The following WDR87 variants were observed in gnomAD, a reference collection of about 807,000 sequenced individuals.
WDR87 encodes WD repeat domain 87.
A neutral mutation model predicts 83.3 loss-of-function variants in WDR87; 56 were observed. The ratio of observed to expected loss-of-function variants is 0.67; its 90% confidence interval spans 0.54 to 0.84. WDR87 has a LOEUF of 0.84. Ranked by LOEUF, WDR87 falls within the 40% of genes least tolerant of loss-of-function variation. WDR87 has a pLI of 0.00. For missense variants in WDR87, 2,939 were observed against 3,431.9 expected (o/e 0.86, Z 3.59); for synonymous variants, 1,173 against 1,250.6 (o/e 0.94, Z 1.31).
chr19:37,902,084 G>C (rs532355129), intron 1 of WDR87, among the ~76,000 whole-genome samples: 1 of 152,046 alleles, frequency 6.6e-6, no homozygotes, highest in East Asian at 1.9e-4. Flanking sequence ...CCATAGACCA[G>C]TTTCCTTGGG....
Position 37,887,595 on chromosome 19 carries a change from C to G in WDR87, c.6076G>C (p.Gly2026Arg). The part of the protein sequence containing the change: ...LVEGKETLSK[G>R]ETPETSRQRK... ...TGTCTAGAAGTTTCTGGAGTCTCTC[C>G]CTTAGACAGTGTTTCTTTTCCCTCA... is the stretch of plus-strand genomic sequence containing the variant. The change falls in exon 6 of 6, where the codon GGA (glycine) becomes CGA (arginine). Residue 2026 changes from glycine (G) to arginine (R), a missense_variant. This residue lies in a region of WDR87 where 2,160 missense variants were observed against 2,533.1 expected (regional missense o/e 0.85). Transcript: ENST00000447313. The G allele has an allele frequency of 6.4e-7, 1 of 1,551,930 alleles. No individual in the cohort carries two copies. The highest frequency in any genetic ancestry group is 1.2e-5 in the South Asian group (1 of 84,060).
chr19:37,886,679 T>A lies in WDR87; in HGVS notation c.6992A>T (p.Lys2331Met). Residue 2331 changes from lysine to methionine, a missense_variant, in exon 6 of 6, where the codon AAG becomes ATG. This residue lies in a region of WDR87 where 2,160 missense variants were observed against 2,533.1 expected (regional missense o/e 0.85). Coordinates refer to ENST00000447313, the MANE Select transcript of WDR87 (RefSeq NM_001291088.2). ...CTGAACCTCCTCCTTCTTCTTTTCC[T>A]TTTTCTTCTTCTTCTTCTCCTCCTC... is the stretch of plus-strand genomic sequence containing the variant. ...KEEEEKKKKK[K>M]EKKKEEVQEK... 1 of 1,481,440 alleles carries A rather than the reference T, an allele frequency of 6.8e-7. No individual in the cohort carries two copies. Among genetic ancestry groups the A allele is most frequent in the Non-Finnish European group, 9.2e-7 (1 of 1,092,026 alleles). The allele number at this position is 1,481,440 out of a possible 1,614,324, so 91.8% of individuals were successfully genotyped here. A position where few individuals can be genotyped will look rare whatever the true frequency, so the allele number is the denominator to read the frequency against.
Position 37,887,374 on chromosome 19 carries a change from A to G in WDR87, c.6297T>C (p.Ile2099=). The G allele has an allele frequency of 6.4e-7, 1 of 1,551,458 alleles. No individual in the cohort carries two copies. Among genetic ancestry groups the G allele is most frequent in the Non-Finnish European group, 8.7e-7 (1 of 1,146,920 alleles). The change falls in exon 6 of 6, where the codon ATT becomes ATC. Residue 2099 remains isoleucine, a synonymous_variant. Transcript: ENST00000447313. Reference sequence around the variant, plus strand: ...CCTTGGAAAGGCTCTCCCTTTTTTTAATCAACTTCCTTGAAGCCTTGGCTA... The same window carrying G: ...CCTTGGAAAGGCTCTCCCTTTTTTTGATCAACTTCCTTGAAGCCTTGGCTA... ...RKLAKASRKL[I]KKRESLSKEP... is the part of the protein sequence containing the mutation.
chr19:37,890,064 G>T lies in WDR87; in HGVS notation c.3607C>A (p.His1203Asn), dbSNP rs369745776. Residue 1203 changes from histidine to asparagine, a missense_variant, in exon 6 of 6, where the codon CAC (histidine) becomes AAC (asparagine). Coordinates refer to ENST00000447313, the MANE Select transcript of WDR87 (RefSeq NM_001291088.2). ...AGCCTCTTCAGGGTCAATGCAATGT[G>T]ATCCTTCGAGATATCTTTCTCTTGA... ...DSQEKDISKD[H>N]IALTLKRLQK... is the part of the protein sequence containing the mutation. 20 of 1,551,664 alleles carry T rather than the reference G, an allele frequency of 1.3e-5. No individual in the cohort carries two copies. Among genetic ancestry groups the T allele is most frequent in the Non-Finnish European group, 1.7e-5 (19 of 1,147,030 alleles).
rs1269989130 is a variant in WDR87 at position 37,898,156 on chromosome 19, A to G, written c.75+9T>C. On this transcript the variant is annotated intron_variant, in intron 2 of 5. Transcript: ENST00000447313. ...CCTATAATATGTTTATGTCCTACATATACATTACCTTGCTTTTATTTATGG... is the reference window on the plus strand; with the variant it reads ...CCTATAATATGTTTATGTCCTACATGTACATTACCTTGCTTTTATTTATGG... The G allele has an allele frequency of 6.4e-7, 1 of 1,551,640 alleles. No individual in the cohort carries two copies. Among genetic ancestry groups the G allele is most frequent in the Non-Finnish European group, 8.7e-7 (1 of 1,146,916 alleles).
Position 37,889,832 on chromosome 19 carries a change from G to T in WDR87, c.3839C>A (p.Ser1280Ter), listed in dbSNP as rs1302567646. The change falls in exon 6 of 6, where the codon TCA becomes TAA. Residue 1280 changes from serine (S) to a stop codon, truncating the protein, a stop_gained. Coordinates refer to ENST00000447313, the MANE Select transcript of WDR87 (RefSeq NM_001291088.2). LOFTEE classifies it low-confidence loss of function (END_TRUNC). ...GRRSTAGDGS[S>*]WRDDLCRLMA... ...AAGACGACATAGATCGTCCCTCCAT[G>T]ATGAGCCATCTCCAGCGGTTGACCT... The T allele has an allele frequency of 6.4e-6, 10 of 1,551,634 alleles. No homozygotes were observed. The highest frequency in any genetic ancestry group is 8.7e-6 in the Non-Finnish European group (10 of 1,147,040).
chr19:37,904,909 C>T lies in WDR87; in HGVS notation c.-47+1590G>A, dbSNP rs182029619. The stretch of plus-strand genomic sequence containing the variant: ...GAGTATCTTTGTTAGTGCCTCATAA[C>T]ATTTTAATTTTATTTGATTTTAATT... On this transcript the variant is annotated intron_variant, in intron 1 of 5. Coordinates refer to ENST00000447313, the MANE Select transcript of WDR87 (RefSeq NM_001291088.2). 7.9e-5 allele frequency among the ~76,000 whole-genome samples: 12 copies of T among 152,170 alleles called. No homozygotes were observed. In the East Asian group the frequency reaches 2.1e-3, roughly 27 times the overall value.
chr19:37,895,249 T>C lies in WDR87; in HGVS notation c.454A>G (p.Ile152Val), dbSNP rs1243248386. ...PLGKVPCRFN[I>V]SCLCYDPEMK... ...TCCGGGTCATAGCAGAGGCAGCTGATGTTGAAGCGGCAGGGCACTTTACCC... is the reference window on the plus strand; with the variant it reads ...TCCGGGTCATAGCAGAGGCAGCTGACGTTGAAGCGGCAGGGCACTTTACCC... Residue 152 changes from isoleucine to valine, a missense_variant, in exon 4 of 6, where the codon ATC becomes GTC. Physicochemically the swap from Ile to Val is conservative, Grantham distance 29 (BLOSUM62 3). Coordinates refer to ENST00000447313, the MANE Select transcript of WDR87 (RefSeq NM_001291088.2). 1.3e-6 allele frequency: 2 copies of C among 1,551,544 alleles called. No individual in the cohort carries two copies. The highest frequency in any genetic ancestry group is 1.7e-6 in the Non-Finnish European group (2 of 1,147,000).
intron 1 of WDR87, among the ~76,000 whole-genome samples, chr19:37,902,020 A>ATGTTTGTT (rs200360601): frequency 1.1e-5 from 1 of 94,726 alleles, no homozygotes; most frequent in East Asian, 3.5e-4. Flanking sequence ...CTGGCCCTCT[A>ATGTTTGTT]TGTTTATTTA....
intron 3 of WDR87, among the ~76,000 whole-genome samples, chr19:37,895,832 A>G (rs1309578351): frequency 6.7e-6 from 1 of 149,812 alleles, no homozygotes; most frequent in Non-Finnish European, 1.5e-5. Flanking sequence ...ATATTCCCTT[A>G]TTTCCCCATG....
In WDR87 at chr19:37,896,292, G is replaced by A. The variant is rs931240129; in HGVS notation, c.92C>T (p.Pro31Leu). 2 of 1,551,752 alleles carry A rather than the reference G, an allele frequency of 1.3e-6. No individual in the cohort carries two copies. Among genetic ancestry groups the A allele is most frequent in the Non-Finnish European group, 1.7e-6 (2 of 1,147,004 alleles). Residue 31 changes from proline (P) to leucine (L), a missense_variant, in exon 3 of 6, where the codon CCA becomes CTA. Physicochemically the swap from Pro to Leu is moderately conservative, Grantham distance 98. This residue lies in a region of WDR87 where 226 missense variants were observed against 320.9 expected (regional missense o/e 0.70). Transcript: ENST00000447313. ...ACTCAGCACAATCAGGCAGTTCTTT[G>A]GGTCTTCCGAAGGTTGCTGGAGAGA... ...INKSKQPSED[P>L]KNCLIVLSDR...
Position 37,885,297 on chromosome 19 carries a change from G to A in WDR87, c.8374C>T (p.Gln2792Ter). Reference protein sequence around the residue: ...YPKDSTAWMEQFYQLMDLYQL... With the variant: ...YPKDSTAWME ...TACAGGTCCATGAGCTGGTAGAACTGTTCCATCCAAGCAGTGCTGTCTTTT... is the reference window on the plus strand; with the variant it reads ...TACAGGTCCATGAGCTGGTAGAACTATTCCATCCAAGCAGTGCTGTCTTTT... Residue 2792 changes from glutamine to a stop codon, truncating the protein, a stop_gained, in exon 6 of 6, where the codon CAG becomes TAG. Transcript: ENST00000447313. LOFTEE classifies it low-confidence loss of function (END_TRUNC). 6.5e-7 allele frequency: 1 copy of A among 1,549,652 alleles called. No individual in the cohort carries two copies. Among genetic ancestry groups the A allele is most frequent in the Non-Finnish European group, 8.7e-7 (1 of 1,146,008 alleles).
chr19:37,905,756 T>C (rs1195101662), intron 1 of WDR87, among the ~76,000 whole-genome samples: 1 of 152,010 alleles, frequency 6.6e-6, no homozygotes, highest in Admixed American at 6.6e-5. Flanking sequence ...GGTCTTGCTA[T>C]GTTACCCGGC....
Position 37,889,665 on chromosome 19 carries a change from C to A in WDR87, c.4006G>T (p.Glu1336Ter), listed in dbSNP as rs1448760361. 2 of 1,551,780 alleles carry A rather than the reference C, an allele frequency of 1.3e-6. No homozygotes were observed. The highest frequency in any genetic ancestry group is 1.2e-5 in the South Asian group (1 of 84,062). The change falls in exon 6 of 6, where the codon GAA becomes TAA. Residue 1336 changes from glutamate (E) to a stop codon, truncating the protein, a stop_gained. Transcript: ENST00000447313. LOFTEE classifies it low-confidence loss of function (END_TRUNC). ...FQEICPLLKK[E>*]SKVLLEDLDW... The stretch of plus-strand genomic sequence containing the variant: ...AGGTCCTCAAGCAGAACCTTACTTT[C>A]TTTCTTCAATAGGGGGCAGATCTCC...
rs1020703467 is a variant in WDR87, at chr19:37,896,180, G to A, written c.204C>T (p.Phe68=). Reference sequence around the variant, plus strand: ...TTGATGTCACCCAAGAGAGGGAGGCGAAGAAGTGGGCATCACTGAAGTAAT... The same window carrying A: ...TTGATGTCACCCAAGAGAGGGAGGCAAAGAAGTGGGCATCACTGAAGTAAT... The part of the protein sequence containing the change: ...VCYYFSDAHF[F]ASLSWVTSNT... Residue 68 remains phenylalanine (F), a synonymous_variant, in exon 3 of 6, where the codon TTC becomes TTT. Transcript: ENST00000447313. 15 of 1,552,216 alleles carry A rather than the reference G, an allele frequency of 9.7e-6. No homozygotes were observed. Among genetic ancestry groups the A allele is most frequent in the South Asian group, 5.9e-5 (5 of 84,070 alleles).
At chr19:37,900,258 A>C (rs1052524305) in intron 1 of WDR87, among the ~76,000 whole-genome samples, 1 of 152,164 alleles carries the variant, frequency 6.6e-6, no homozygotes, top group Non-Finnish European at 1.5e-5. Context: ...GAGTCTACAA[A>C]GGGCAGATCA....
intron 1 of WDR87, among the ~76,000 whole-genome samples, chr19:37,900,352 G>A (rs183158836): frequency 6.6e-6 from 1 of 152,098 alleles, no homozygotes; most frequent in Admixed American, 6.6e-5. Context: ...ACGAGGTCAG[G>A]AGTTCAAGAA....
chr19:37,892,848 T>G lies in WDR87; in HGVS notation c.2855A>C (p.Gln952Pro). ...GALGQIFASY[Q>P]VSPALRSETA... Reference sequence around the variant, plus strand: ...CTCAGAGCGTAGGGCTGGGGACACCTGGTAAGAGGCAAAGATTTGCCCTAG... The same window carrying G: ...CTCAGAGCGTAGGGCTGGGGACACCGGGTAAGAGGCAAAGATTTGCCCTAG... Residue 952 changes from glutamine (Q) to proline (P), a missense_variant, in exon 4 of 6, where the codon CAG becomes CCG. Around this residue, in one of 3 missense-constraint regions of WDR87, gnomAD observed 2,160 missense variants for 2,533.1 expected, o/e 0.85. Coordinates refer to ENST00000447313, the MANE Select transcript of WDR87 (RefSeq NM_001291088.2). 6.4e-7 allele frequency: 1 copy of G among 1,551,854 alleles called. No homozygotes were observed. Among genetic ancestry groups the G allele is most frequent in the South Asian group, 1.2e-5 (1 of 84,060 alleles).
In WDR87 at chr19:37,889,490, C is replaced by G; in HGVS notation, c.4181G>C (p.Arg1394Thr). The change falls in exon 6 of 6, where the codon AGA (arginine) becomes ACA (threonine). Residue 1394 changes from arginine to threonine, a missense_variant. By Grantham distance (71) the Arg-to-Thr change is moderately conservative. Coordinates refer to ENST00000447313, the MANE Select transcript of WDR87 (RefSeq NM_001291088.2). ...GGTTTCCTCCAAGCCCAGCATGTCT[C>G]TTGCTTTCTTTTGTGCTTGTTCTTC... Reference protein sequence around the residue: ...REEEQAQKKARDMLGLEETQV... With the variant: ...REEEQAQKKATDMLGLEETQV... The G allele has an allele frequency of 6.4e-7, 1 of 1,551,756 alleles. No individual in the cohort carries two copies. Among genetic ancestry groups the G allele is most frequent in the African/African-American group, 1.4e-5 (1 of 73,152 alleles).
Sources: allele counts gnomAD v4.1 joint callset (sites outside exome capture counted in the v4.1 genomes callset), GRCh38; gene constraint gnomAD v4.1.1; regional missense constraint gnomAD v4.1.1; transcripts MANE v1.5; gene names NCBI Gene and HGNC (gene_info 2026-07-23, HGNC 2026-07-21).